The following GPR39 variants were observed in gnomAD, a reference collection of about 807,000 sequenced individuals.
The protein encoded by GPR39 is G protein-coupled receptor 39.
A neutral mutation model predicts 18.4 loss-of-function variants in GPR39; 23 were observed. The ratio of observed to expected loss-of-function variants is 1.25; its 90% confidence interval spans 0.90 to 1.77. The LOEUF (loss-of-function observed/expected upper bound fraction) is 1.77, where lower values mean the gene tolerates loss of function less well. GPR39 is among the 40% of genes most tolerant of loss of function. The probability of loss-of-function intolerance (pLI) is 0.00; values close to 1 mark genes in which losing one functional copy is unlikely to be tolerated. For missense variants in GPR39, 647 were observed against 602.4 expected (o/e 1.07, Z -0.78); for synonymous variants, 280 against 257.9 (o/e 1.09, Z -0.82).
intron 1 of GPR39, among the ~76,000 whole-genome samples, chr2:132,501,231 TG>T (rs1679031501): frequency 1.3e-5 from 2 of 152,088 alleles, no homozygotes; most frequent in South Asian, 4.1e-4. Context: ...TTTAATGCTA[TG>T]AACTTTCCTC....
At chr2:132,524,871 C>T (rs1254673783) in intron 1 of GPR39, among the ~76,000 whole-genome samples, 1 of 152,234 alleles carries the variant, frequency 6.6e-6, no homozygotes, top group Non-Finnish European at 1.5e-5. Flanking sequence ...GAAGTTATTA[C>T]AAGTACAGTC....
chr2:132,511,905 C>T (rs1427682070), intron 1 of GPR39, among the ~76,000 whole-genome samples: 1 of 142,578 alleles, frequency 7.0e-6, no homozygotes, highest in African/African-American at 2.6e-5. Context: ...CATTGAACCA[C>T]TGTGCTACGT....
rs954404066 is a variant in GPR39, at chr2:132,622,440, C to T, written c.857-22661C>T. On this transcript the variant is annotated intron_variant, in intron 1 of 1. Coordinates refer to ENST00000329321, the MANE Select transcript of GPR39 (RefSeq NM_001508.3). Reference sequence around the variant, plus strand: ...TCTACCAAAATATCTAAGGTTTATTCTGAGCCAATATGAGTGACCATGGAC... The same window carrying T: ...TCTACCAAAATATCTAAGGTTTATTTTGAGCCAATATGAGTGACCATGGAC... Among the ~76,000 whole-genome samples the T allele has an allele frequency of 2.0e-5, 3 of 152,158 alleles. No homozygotes were observed. The East Asian group carries it at 5.8e-4, about 29-fold the overall frequency.
At chr2:132,524,169 G>T (rs1178129116) in intron 1 of GPR39, among the ~76,000 whole-genome samples, 5 of 152,312 alleles carry the variant, frequency 3.3e-5, no homozygotes, top group Admixed American at 3.3e-4. Context: ...CCATGTGTGG[G>T]ATCTGTGAGA....
At chr2:132,643,494 G>C (rs895628493) in intron 1 of GPR39, among the ~76,000 whole-genome samples, 1 of 152,198 alleles carries the variant, frequency 6.6e-6, no homozygotes, top group African/African-American at 2.4e-5. Flanking sequence ...ATGTGTGAAT[G>C]TGGCTGTTTT....
chr2:132,477,856 A>G (rs1033524447), intron 1 of GPR39, among the ~76,000 whole-genome samples: 2 of 152,254 alleles, frequency 1.3e-5, no homozygotes, highest in Non-Finnish European at 2.9e-5. Flanking sequence ...CTCACAAAGA[A>G]TTGATCACAT....
intron 1 of GPR39, among the ~76,000 whole-genome samples, chr2:132,638,883 C>A (rs1264692428): frequency 1.3e-5 from 2 of 152,118 alleles, no homozygotes; most frequent in African/African-American, 4.8e-5. Flanking sequence ...TGCTGGTTTC[C>A]CACTGTCCCC....
chr2:132,616,206 T>C (rs1023443138), intron 1 of GPR39, among the ~76,000 whole-genome samples: 1 of 152,162 alleles, frequency 6.6e-6, no homozygotes, highest in African/African-American at 2.4e-5. Context: ...CTGACAAACC[T>C]GTGAGGTTGG....
At chr2:132,497,541 T>C (rs543399049) in intron 1 of GPR39, among the ~76,000 whole-genome samples, 2 of 152,326 alleles carry the variant, frequency 1.3e-5, no homozygotes, top group East Asian at 1.9e-4. Context: ...CTCTTGCCCA[T>C]ATATCACCAT....
At chr2:132,582,547 C>T (rs1408774642) in intron 1 of GPR39, among the ~76,000 whole-genome samples, 2 of 152,160 alleles carry the variant, frequency 1.3e-5, no homozygotes, top group Non-Finnish European at 2.9e-5. Context: ...CTTGGCCAGC[C>T]CACTCTCCAG....
chr2:132,591,208 G>A (rs563252839), intron 1 of GPR39, among the ~76,000 whole-genome samples: 207 of 141,556 alleles, frequency 1.5e-3, no homozygotes, highest in African/African-American at 4.7e-3. Flanking sequence ...CCGAGATTGC[G>A]CCACTGCAGT....
At chr2:132,507,972 T>C (rs1679165785) in intron 1 of GPR39, among the ~76,000 whole-genome samples, 1 of 152,198 alleles carries the variant, frequency 6.6e-6, no homozygotes, top group South Asian at 2.1e-4. Flanking sequence ...TATGTAGGCA[T>C]GGTTGGTTGA....
chr2:132,486,341 G>A (rs1037467375), intron 1 of GPR39, among the ~76,000 whole-genome samples: 3 of 152,214 alleles, frequency 2.0e-5, no homozygotes, highest in Admixed American at 2.0e-4. Flanking sequence ...ACCAGCTGCA[G>A]CTGCATTAGC....
intron 1 of GPR39, among the ~76,000 whole-genome samples, chr2:132,537,477 C>T (rs1573654195): frequency 6.6e-6 from 1 of 150,864 alleles, no homozygotes; most frequent in African/African-American, 2.4e-5. Flanking sequence ...GTGACCTGAC[C>T]TTTCTCTGTG....
chr2:132,620,470 C>T (rs958833354), intron 1 of GPR39, among the ~76,000 whole-genome samples: 3 of 152,200 alleles, frequency 2.0e-5, no homozygotes, highest in Non-Finnish European at 2.9e-5. Flanking sequence ...TCAGAGGCCA[C>T]ACCATCTCCA....
In GPR39 at chr2:132,645,554, C is replaced by T. The variant is rs1558871440; in HGVS notation, c.1310C>T (p.Ala437Val). 1.2e-6 allele frequency: 2 copies of T among 1,614,004 alleles called. No individual in the cohort carries two copies. Among genetic ancestry groups the T allele is most frequent in the East Asian group, 2.2e-5 (1 of 44,874 alleles). The change falls in exon 2 of 2, where the codon GCG (alanine) becomes GTG (valine). Residue 437 changes from alanine (A) to valine (V), a missense_variant. Ala to Val is a moderately conservative substitution (Grantham distance 64, BLOSUM62 0). Coordinates refer to ENST00000329321, the MANE Select transcript of GPR39 (RefSeq NM_001508.3). The part of the protein sequence containing the change: ...SLESLEPNSG[A>V]KPANSAAENG... The stretch of plus-strand genomic sequence containing the variant: ...GAGTCACTAGAGCCCAACTCAGGCG[C>T]GAAACCAGCCAATTCTGCTGCAGAG...
intron 1 of GPR39, among the ~76,000 whole-genome samples, chr2:132,634,565 T>C (rs767955206): frequency 5.3e-5 from 8 of 152,188 alleles, no homozygotes; most frequent in Non-Finnish European, 7.3e-5. Context: ...AGGGTTATAA[T>C]TGTCAGATTT....
intron 1 of GPR39, among the ~76,000 whole-genome samples, chr2:132,420,885 T>C (rs1449129417): frequency 1.3e-5 from 2 of 152,188 alleles, no homozygotes; most frequent in Non-Finnish European, 2.9e-5. Context: ...ACCTACTAGC[T>C]CTCAAGCAAT....
chr2:132,549,517 G>A (rs753245688), intron 1 of GPR39, among the ~76,000 whole-genome samples: 2 of 152,158 alleles, frequency 1.3e-5, no homozygotes, highest in African/African-American at 2.4e-5. Context: ...GGTCGGGCAC[G>A]GTGGCTCACG....
Sources: allele counts gnomAD v4.1 joint callset (sites outside exome capture counted in the v4.1 genomes callset), GRCh38; gene constraint gnomAD v4.1.1; transcripts MANE v1.5; gene names NCBI Gene and HGNC (gene_info 2026-07-23, HGNC 2026-07-21).